Variants in WDR1 observed in about 807,000 individuals in gnomAD.
WDR1 encodes the protein WD repeat domain 1.
Under a neutral mutation model 71.9 loss-of-function variants are expected in WDR1, and 21 were observed. That is an observed-to-expected ratio of 0.29 (90% CI 0.21 to 0.42). The LOEUF (loss-of-function observed/expected upper bound fraction) is 0.42, where lower values mean the gene tolerates loss of function less well. Among genes scored for constraint, WDR1 ranks in the 10% least tolerant of loss-of-function variants. The pLI, the probability that WDR1 is intolerant of heterozygous loss-of-function variation, is 1.00. For missense variants in WDR1, 696 were observed against 824.5 expected (o/e 0.84, Z 1.91); for synonymous variants, 424 against 347.4 (o/e 1.22, Z -2.45).
chr4:10,113,826 G>C (rs889472866), intron 2 of WDR1, among the ~76,000 whole-genome samples: 1 of 152,248 alleles, frequency 6.6e-6, no homozygotes, highest in Non-Finnish European at 1.5e-5. Context: ...TCCAAGGTTT[G>C]GGGCCTGAAC....
At chr4:10,086,978 TC>T (rs1711616178) in intron 8 of WDR1, among the ~76,000 whole-genome samples, 1 of 152,034 alleles carries the variant, frequency 6.6e-6, no homozygotes, top group Admixed American at 6.6e-5. Flanking sequence ...CCCAGAGGCG[TC>T]AACTTGGCTG....
At chr4:10,115,827 T>A (rs567603585) in intron 2 of WDR1, 46 of 379,330 alleles carry the variant, frequency 1.2e-4, no homozygotes, top group Admixed American at 9.1e-4. Context: ...GGCCTGACCG[T>A]GCTTAGCTTC....
chr4:10,103,801 C>A, intron 3 of WDR1, 95 bp downstream of exon 3: 1 of 666,294 alleles, frequency 1.5e-6, no homozygotes, highest in Non-Finnish European at 2.4e-6. Flanking sequence ...CTCCCTCCTC[C>A]CACTCTCCCA....
At chr4:10,084,387 G>A (rs1765128179) in intron 9 of WDR1, 56 bp downstream of exon 9, 1 of 1,540,298 alleles carries the variant, frequency 6.5e-7, no homozygotes, top group East Asian at 2.3e-5. Context: ...ATGGGAACAG[G>A]AAATTCCCCC....
intron 5 of WDR1, among the ~76,000 whole-genome samples, chr4:10,093,441 C>A (rs1454144744): frequency 6.6e-6 from 1 of 152,248 alleles, no homozygotes; most frequent in East Asian, 1.9e-4. Flanking sequence ...GCCCACCCAT[C>A]CCCCGCAGCA....
intron 8 of WDR1, among the ~76,000 whole-genome samples, chr4:10,085,699 G>A (rs1041882420): frequency 2.0e-5 from 3 of 152,228 alleles, no homozygotes; most frequent in Non-Finnish European, 4.4e-5. Flanking sequence ...AGCTCCTGCT[G>A]CCCTGAGACT....
chr4:10,110,800 T>A (rs950779668), intron 2 of WDR1, among the ~76,000 whole-genome samples: 1 of 152,238 alleles, frequency 6.6e-6, no homozygotes, highest in African/African-American at 2.4e-5. Context: ...GACGGCCATG[T>A]ACCTTGTCGG....
At chr4:10,102,160 T>C (rs1340958536) in intron 3 of WDR1, among the ~76,000 whole-genome samples, 1 of 152,106 alleles carries the variant, frequency 6.6e-6, no homozygotes, top group Non-Finnish European at 1.5e-5. Context: ...CACCCAGGGG[T>C]AAGTACCCAT....
chr4:10,099,163 A>AGGGGGGGGGGGGGGGGGG, intron 3 of WDR1, 24 bp from the exon 4 acceptor site: 1 of 180,480 alleles, frequency 5.5e-6, no homozygotes, highest in Admixed American at 9.1e-5. Context: ...CGGGCGGGGG[A>AGGGGGGGGGGGGGGGGGG]GGGGGGGAGG....
intron 4 of WDR1, 76 bp downstream of exon 4, chr4:10,098,916 C>G: frequency 6.3e-7 from 1 of 1,591,828 alleles, no homozygotes; most frequent in Non-Finnish European, 8.6e-7. Flanking sequence ...TCAGCGCATC[C>G]CCCTCCCAGG....
chr4:10,079,120 C>A (rs1245322052), intron 11 of WDR1, 119 bp from the exon 12 acceptor site: 3 of 746,612 alleles, frequency 4.0e-6, no homozygotes, highest in Non-Finnish European at 6.4e-6. Flanking sequence ...CCATACCCAA[C>A]CTCTTTGCAG....
At chr4:10,092,520 C>CG in intron 5 of WDR1, 4 of 156,280 alleles carry the variant, frequency 2.6e-5, no homozygotes, top group South Asian at 3.8e-4. Context: ...TGTCATGTGT[C>CG]CCTCCCTGGC....
At chr4:10,082,807 G>A (rs12640315) in intron 10 of WDR1, among the ~76,000 whole-genome samples, 17,753 of 152,202 alleles carry the variant, frequency 0.12, 1,327 homozygotes, top group East Asian at 0.21. Flanking sequence ...ACACCTGGTC[G>A]TTGTCTGTGG....
intron 8 of WDR1, among the ~76,000 whole-genome samples, chr4:10,085,683 C>A (rs1373736617): frequency 6.6e-6 from 1 of 152,242 alleles, no homozygotes; most frequent in South Asian, 2.1e-4. Flanking sequence ...CTTCTGGAGG[C>A]CTGCAAGCTC....
chr4:10,082,971 C>G (rs964748927), intron 10 of WDR1, 51 bp downstream of exon 10: 7 of 1,567,128 alleles, frequency 4.5e-6, no homozygotes, highest in Non-Finnish European at 6.1e-6. Context: ...ACAAGCCCTC[C>G]GAGGGGAGCT....
intron 2 of WDR1, chr4:10,106,691 A>C (rs776981776): frequency 2.0e-5 from 3 of 152,208 alleles, no homozygotes; most frequent in Admixed American, 1.3e-4. Context: ...AAAACCCCAA[A>C]GGGCAACAGA....
intron 12 of WDR1, chr4:10,078,667 T>G: frequency 4.1e-6 from 2 of 484,882 alleles, no homozygotes; most frequent in Non-Finnish European, 7.3e-6. Context: ...ACCCGGGCAG[T>G]GAGGTGGGGG....
chr4:10,116,247 A>C lies in WDR1; in HGVS notation c.17-13T>G, dbSNP rs2108812557. On this transcript the variant is annotated splice_polypyrimidine_tract_variant and intron_variant, in intron 1 of 14. Coordinates refer to ENST00000499869, the MANE Select transcript of WDR1 (RefSeq NM_017491.5). ...GCGAACACCTTCTCTGCGGAGACAC[A>C]AATGCGGCGGGGCATGTCAGGGCAG... 6.2e-7 allele frequency: 1 copy of C among 1,613,224 alleles called. No homozygotes were observed. Among genetic ancestry groups the C allele is most frequent in the Non-Finnish European group, 8.5e-7 (1 of 1,179,730 alleles).
intron 5 of WDR1, among the ~76,000 whole-genome samples, chr4:10,090,890 T>G (rs930943695): frequency 1.3e-5 from 2 of 152,252 alleles, no homozygotes; most frequent in African/African-American, 4.8e-5. Flanking sequence ...GTCATGGTGC[T>G]TGCATTCCGT....
Sources: gnomAD v4.1 joint callset for allele counts (sites outside exome capture counted in the v4.1 genomes callset) on GRCh38, gnomAD v4.1.1 for gene constraint, MANE v1.5 for transcripts, NCBI Gene and HGNC (gene_info 2026-07-23, HGNC 2026-07-21) for gene names.